PDE11A: variants seen among roughly 807,000 people sequenced by gnomAD.
PDE11A encodes the protein phosphodiesterase 11A.
A neutral mutation model predicts 100.5 loss-of-function variants in PDE11A; 100 were observed. That is an observed-to-expected ratio of 1.00 (90% confidence interval 0.85 to 1.18). The LOEUF is 1.18. Among genes scored for constraint, PDE11A ranks in the 50% most tolerant of loss-of-function variants. The pLI is 0.00. For missense variants in PDE11A, 1,141 were observed against 1,152.6 expected (o/e 0.99, Z 0.15); for synonymous variants, 381 against 420.8 (o/e 0.91, Z 1.16).
intron 2 of PDE11A, among the ~76,000 whole-genome samples, chr2:177,991,597 T>C (rs1004762518): frequency 1.3e-5 from 2 of 151,214 alleles, no homozygotes; most frequent in East Asian, 3.9e-4. Context: ...ACCACACCAC[T>C]GCACTCCAGC....
intron 5 of PDE11A, among the ~76,000 whole-genome samples, chr2:177,854,883 C>T (rs1245199719): frequency 6.6e-6 from 1 of 152,056 alleles, no homozygotes; most frequent in Non-Finnish European, 1.5e-5. Context: ...CAATTGACAA[C>T]ATTAAATATT....
At chr2:178,056,031 A>C (rs1441123273) in intron 1 of PDE11A, among the ~76,000 whole-genome samples, 1 of 152,154 alleles carries the variant, frequency 6.6e-6, no homozygotes. Flanking sequence ...GTCAAGAAAA[A>C]AAAAGCTCTC....
At position 178,071,610 on chromosome 2, in the gene PDE11A, AT is replaced by A; in HGVS notation, c.827del (p.Asn276MetfsTer40). On this transcript the variant is annotated frameshift_variant, in exon 1 of 20. Coordinates refer to ENST00000286063, the MANE Select transcript of PDE11A (RefSeq NM_016953.4). LOFTEE classifies it high-confidence loss of function. Reference protein sequence around the residue: ...LLPCSSTENSNEVQVPWGKGI... With the variant: ...LLPCSSTENSXEVQVPWGKGI... Reference sequence around the variant, plus strand: ...CTTTGCCCCAGGGGACCTGCACCTCATTTGAGTTCTCTGTGCTGCTGCAAGG... The same window carrying A: ...CTTTGCCCCAGGGGACCTGCACCTCATTGAGTTCTCTGTGCTGCTGCAAGG... 1 of 1,613,934 alleles carries A rather than the reference AT, an allele frequency of 6.2e-7. No homozygotes were observed. The highest frequency in any genetic ancestry group is 8.5e-7 in the Non-Finnish European group (1 of 1,179,846).
chr2:177,678,580 T>C (rs560815833), intron 16 of PDE11A, among the ~76,000 whole-genome samples: 1 of 152,230 alleles, frequency 6.6e-6, no homozygotes, highest in South Asian at 2.1e-4. Flanking sequence ...TTTTAGTTGG[T>C]TTTATTACTA....
At chr2:177,804,472 C>T (rs1256269865) in intron 9 of PDE11A, among the ~76,000 whole-genome samples, 1 of 151,880 alleles carries the variant, frequency 6.6e-6, no homozygotes, top group Non-Finnish European at 1.5e-5. Flanking sequence ...TACTTATATG[C>T]TGTTGATAGG....
At chr2:178,055,282 G>A (rs957939394) in intron 1 of PDE11A, among the ~76,000 whole-genome samples, 5 of 150,824 alleles carry the variant, frequency 3.3e-5, no homozygotes, top group Admixed American at 6.6e-5. Context: ...TCACTTATAG[G>A]TGGGAACTGA....
At chr2:178,075,830 T>C (rs1559064263), upstream of PDE11A, among the ~76,000 whole-genome samples, 1 of 152,098 alleles carries the variant, frequency 6.6e-6, no homozygotes, top group Non-Finnish European at 1.5e-5. Flanking sequence ...TAGGAAATAA[T>C]GGAAGAGGTC....
intron 3 of PDE11A, among the ~76,000 whole-genome samples, chr2:177,903,008 A>G (rs565756590): frequency 6.6e-6 from 1 of 152,184 alleles, no homozygotes; most frequent in Admixed American, 6.5e-5. Context: ...GCTCAAAATC[A>G]TCTAATGGCT....
At chr2:178,090,722 A>G (rs1009077684) in intron 2 of PDE11A, among the ~76,000 whole-genome samples, 1 of 152,212 alleles carries the variant, frequency 6.6e-6, no homozygotes, top group Non-Finnish European at 1.5e-5. Flanking sequence ...CTAATTCTAC[A>G]TATTTGCAAA....
At chr2:178,062,336 GAAAAAAA>G (rs11333080) in intron 1 of PDE11A, among the ~76,000 whole-genome samples, 1 of 101,680 alleles carries the variant, frequency 9.8e-6, no homozygotes, top group African/African-American at 3.5e-5. Flanking sequence ...CCTGAAGACA[GAAAAAAA>G]AAAAAAAAAA....
At chr2:177,695,412 TCTAA>T (rs1474412433) in intron 15 of PDE11A, among the ~76,000 whole-genome samples, 1 of 152,188 alleles carries the variant, frequency 6.6e-6, no homozygotes. Flanking sequence ...TCATGGGACA[TCTAA>T]CTATCTATTC....
chr2:177,855,956 G>T (rs994837125), intron 5 of PDE11A, among the ~76,000 whole-genome samples: 1 of 148,232 alleles, frequency 6.7e-6, no homozygotes, highest in African/African-American at 2.5e-5. Context: ...ACACACTACT[G>T]TAAGAATGTC....
At chr2:177,743,006 C>G (rs540648824) in intron 10 of PDE11A, among the ~76,000 whole-genome samples, 1 of 152,364 alleles carries the variant, frequency 6.6e-6, no homozygotes, top group East Asian at 1.9e-4. Flanking sequence ...TTTTCCTACT[C>G]TGATGCTTCT....
chr2:178,069,811 T>A (rs976320814), intron 1 of PDE11A, among the ~76,000 whole-genome samples: 1 of 151,988 alleles, frequency 6.6e-6, no homozygotes, highest in Non-Finnish European at 1.5e-5. Flanking sequence ...AAGGACAGTA[T>A]GAAATAAAGG....
At chr2:178,098,631 A>C (rs1186116580) in intron 2 of PDE11A, among the ~76,000 whole-genome samples, 1 of 152,224 alleles carries the variant, frequency 6.6e-6, no homozygotes, top group African/African-American at 2.4e-5. Context: ...TGTCAAAAAG[A>C]ATAATATTGC....
intron 9 of PDE11A, among the ~76,000 whole-genome samples, chr2:177,788,192 C>G (rs1321797479): frequency 6.6e-6 from 1 of 151,788 alleles, no homozygotes; most frequent in East Asian, 1.9e-4. Context: ...AACTGTCTCT[C>G]AGACCACAGT....
chr2:178,068,388 C>T (rs2105870593), intron 1 of PDE11A, among the ~76,000 whole-genome samples: 1 of 151,920 alleles, frequency 6.6e-6, no homozygotes, highest in Admixed American at 6.6e-5. Context: ...AATATTCTAC[C>T]CTTGACTCCA....
intron 2 of PDE11A, among the ~76,000 whole-genome samples, chr2:177,944,701 C>T (rs2085382694): frequency 6.6e-6 from 1 of 152,176 alleles, no homozygotes; most frequent in South Asian, 2.1e-4. Context: ...CGGCTTCCTC[C>T]CTCCTCCGAG....
intron 9 of PDE11A, among the ~76,000 whole-genome samples, chr2:177,775,298 C>A (rs1290415676): frequency 6.6e-6 from 1 of 152,204 alleles, no homozygotes; most frequent in African/African-American, 2.4e-5. Context: ...AAACCCATTT[C>A]TCTCTCAGTC....
Sources: gnomAD v4.1 joint callset for allele counts (sites outside exome capture counted in the v4.1 genomes callset) on GRCh38, gnomAD v4.1.1 for gene constraint, MANE v1.5 for transcripts, NCBI Gene and HGNC (gene_info 2026-07-23, HGNC 2026-07-21) for gene names.